WDR27: variants seen among roughly 807,000 people sequenced by gnomAD.
WDR27 encodes WD repeat-containing protein 27.
Under a neutral mutation model 114.4 loss-of-function variants are expected in WDR27, and 100 were observed. The ratio of observed to expected loss-of-function variants is 0.87; its 90% CI spans 0.74 to 1.03. The LOEUF (loss-of-function observed/expected upper bound fraction) is 1.03, where lower values mean the gene tolerates loss of function less well. WDR27 is among the 50% of genes least tolerant of loss of function. The pLI is 0.00. For synonymous variants in WDR27, 449 were observed against 423.1 expected (o/e 1.06, Z -0.75); for missense variants, 1,129 against 1,092.9 (o/e 1.03, Z -0.47).
At chr6:169,443,576 G>A in the WDR27 span, among the ~76,000 whole-genome samples, 4 of 152,278 alleles carry the variant, frequency 2.6e-5, no homozygotes, top group East Asian at 3.9e-4. Context: ...GCCAGAGGTC[G>A]TGTCCATAGC....
chr6:169,446,115 G>A, the WDR27 span, among the ~76,000 whole-genome samples: 1 of 152,380 alleles, frequency 6.6e-6, no homozygotes, highest in East Asian at 1.9e-4. Flanking sequence ...CGGCCCGGAC[G>A]GAGGGCGAGC....
chr6:169,561,123 C>T (rs1437062761), intron 25 of WDR27, among the ~76,000 whole-genome samples: 1 of 152,074 alleles, frequency 6.6e-6, no homozygotes, highest in African/African-American at 2.4e-5. Flanking sequence ...TATCTCTCAC[C>T]GTCCTGGAGG....
chr6:169,602,994 A>G (rs1808334400), intron 22 of WDR27, among the ~76,000 whole-genome samples: 1 of 151,810 alleles, frequency 6.6e-6, no homozygotes, highest in Admixed American at 6.6e-5. Flanking sequence ...GGCATTCACC[A>G]CCACACCCAG....
chr6:169,646,652 G>A (rs927352983), intron 16 of WDR27, among the ~76,000 whole-genome samples: 8 of 151,774 alleles, frequency 5.3e-5, no homozygotes, highest in African/African-American at 1.9e-4. Context: ...TGACGCTGAG[G>A]CAGGAGAATC....
In WDR27 at chr6:169,694,121, A is replaced by T. The variant is rs1053700123; in HGVS notation, c.-7-5109T>A. Among the ~76,000 whole-genome samples the T allele has an allele frequency of 4.6e-5, 7 of 152,182 alleles. No individual in the cohort carries two copies. The East Asian group carries it at 1.2e-3, about 25-fold the overall frequency. On this transcript the variant is annotated intron_variant, in intron 1 of 25. Transcript: ENST00000448612. Reference sequence around the variant, plus strand: ...TCAGGAGTTTGAGACCATCCTGACCAACATGGTGAAACCCCCTCTCTACTA... The same window carrying T: ...TCAGGAGTTTGAGACCATCCTGACCTACATGGTGAAACCCCCTCTCTACTA...
At chr6:169,701,030 G>C (rs866465903) in intron 1 of WDR27, among the ~76,000 whole-genome samples, 3 of 152,160 alleles carry the variant, frequency 2.0e-5, no homozygotes, top group Non-Finnish European at 4.4e-5. Context: ...AGATACCATA[G>C]TCTTAAAGTT....
At chr6:169,625,942 AG>A (rs1049024834) in intron 21 of WDR27, among the ~76,000 whole-genome samples, 37 of 152,282 alleles carry the variant, frequency 2.4e-4, no homozygotes, top group African/African-American at 8.9e-4. Context: ...AGAATGGCCC[AG>A]CCCAGCAGCC....
rs1451377813 is a variant in WDR27 at position 169,477,117 on chromosome 6, T to C, written c.2646-19483A>G. The stretch of plus-strand genomic sequence containing the variant: ...CTGAGATAAGAAAGTATCTTCTCCT[T>C]ACTGTATCAAAGTAGTGAATCAAGT... On this transcript the variant is annotated intron_variant, in intron 25 of 25. Coordinates refer to ENST00000448612, the MANE Select transcript of WDR27 (RefSeq NM_182552.5). 3.9e-5 allele frequency among the ~76,000 whole-genome samples: 6 copies of C among 152,358 alleles called. No homozygotes were observed. The East Asian group carries it at 9.6e-4, about 24-fold the overall frequency.
chr6:169,606,603 G>A (rs1809243076), intron 22 of WDR27, among the ~76,000 whole-genome samples: 2 of 152,154 alleles, frequency 1.3e-5, no homozygotes. Context: ...TGAGGATAAT[G>A]GCTTCCAGCT....
intron 4 of WDR27, chr6:169,670,328 A>G: frequency 2.7e-6 from 1 of 369,476 alleles, no homozygotes; most frequent in Non-Finnish European, 4.8e-6. Context: ...CTCTAAAGTC[A>G]TACCTGACAC....
At chr6:169,505,818 C>G (rs1263417477) in intron 25 of WDR27, among the ~76,000 whole-genome samples, 2 of 152,136 alleles carry the variant, frequency 1.3e-5, no homozygotes, top group Non-Finnish European at 2.9e-5. Flanking sequence ...AGTGCTGGAC[C>G]CTCCCAGATT....
intron 16 of WDR27, among the ~76,000 whole-genome samples, chr6:169,645,474 C>T (rs1166652326): frequency 1.3e-5 from 2 of 149,800 alleles, no homozygotes; most frequent in African/African-American, 5.0e-5. Flanking sequence ...AATCCTAGTT[C>T]GTATGAGTCT....
At chr6:169,652,552 T>C (rs1339954947) in intron 13 of WDR27, among the ~76,000 whole-genome samples, 1 of 152,246 alleles carries the variant, frequency 6.6e-6, no homozygotes, top group Non-Finnish European at 1.5e-5. Flanking sequence ...CGGCCTAGCC[T>C]ATTTTACATT....
intron 23 of WDR27, among the ~76,000 whole-genome samples, chr6:169,583,314 A>G (rs1803843323): frequency 6.6e-6 from 1 of 151,280 alleles, no homozygotes; most frequent in Non-Finnish European, 1.5e-5. Flanking sequence ...AAAAAAAAAA[A>G]AAAAAGATGC....
chr6:169,429,222 A>G, the WDR27 span, among the ~76,000 whole-genome samples: 1 of 152,076 alleles, frequency 6.6e-6, no homozygotes, highest in African/African-American at 2.4e-5. Context: ...CTGAGGACCC[A>G]GGGGCACTTT....
At chr6:169,445,719 C>A in the WDR27 span, among the ~76,000 whole-genome samples, 1 of 152,386 alleles carries the variant, frequency 6.6e-6, no homozygotes, top group South Asian at 2.1e-4. Context: ...CTTCAGCCGC[C>A]AGCACTGCAC....
the WDR27 span, among the ~76,000 whole-genome samples, chr6:169,451,218 G>A: frequency 6.6e-6 from 1 of 152,174 alleles, no homozygotes; most frequent in Non-Finnish European, 1.5e-5. Context: ...TTCGGTGAAA[G>A]GCTAATCAGA....
intron 25 of WDR27, among the ~76,000 whole-genome samples, chr6:169,529,304 G>C (rs2997899): frequency 7.6e-6 from 1 of 131,536 alleles, no homozygotes; most frequent in Admixed American, 8.3e-5. Context: ...TAACGGTGGT[G>C]ACCTCTGCGG....
chr6:169,579,159 T>A (rs1283628623), intron 24 of WDR27, among the ~76,000 whole-genome samples: 1 of 152,140 alleles, frequency 6.6e-6, no homozygotes, highest in South Asian at 2.1e-4. Context: ...ACCCGCTTAC[T>A]CCTGGTGTCA....
Sources: gnomAD v4.1 joint callset for allele counts (sites outside exome capture counted in the v4.1 genomes callset) on GRCh38, gnomAD v4.1.1 for gene constraint, MANE v1.5 for transcripts, NCBI Gene and HGNC (gene_info 2026-07-23, HGNC 2026-07-21) for gene names.